USH2A: variants seen among roughly 807,000 people sequenced by gnomAD.
USH2A encodes the protein Usher syndrome 2A (autosomal recessive, mild).
A neutral mutation model predicts 538.9 loss-of-function variants in USH2A; 443 were observed. The observed-to-expected ratio is 0.82, with a 90% confidence interval of 0.76 to 0.89. USH2A has a LOEUF of 0.89. Ranked by LOEUF, USH2A falls within the 40% of genes least tolerant of loss-of-function variation. The pLI is 0.00. For synonymous variants in USH2A, 2,413 were observed against 2,273.5 expected, an observed-to-expected ratio of 1.06 and a Z score of -1.75; for missense variants, 6,633 against 6,324.8, an observed-to-expected ratio of 1.05 and a Z score of -1.65.
rs769020200 is a variant in USH2A, at chr1:216,072,919, C to T, written c.5827G>A (p.Asp1943Asn). The T allele has an allele frequency of 3.7e-6, 6 of 1,613,800 alleles. No individual in the cohort carries two copies. Among genetic ancestry groups the T allele is most frequent in the South Asian group, 3.3e-5 (3 of 91,084 alleles). The change falls in exon 29 of 72, where the codon GAT (aspartate) becomes AAT (asparagine). Residue 1943 changes from aspartate (D) to asparagine (N), a missense_variant. Physicochemically the swap from Asp to Asn is conservative, Grantham distance 23 (BLOSUM62 1). Coordinates refer to ENST00000307340, the MANE Select transcript of USH2A (RefSeq NM_206933.4). ...CCTGTTGTACGTCCTCGACTCCAAT[C>T]ACTATATACTGAACCTCCTTCATGC... ...ASHEGGSVYS[D>N]WSRGRTTGAA...
At chr1:216,026,424 C>T (rs1286403519) in intron 32 of USH2A, among the ~76,000 whole-genome samples, 1 of 152,058 alleles carries the variant, frequency 6.6e-6, no homozygotes, top group East Asian at 1.9e-4. Flanking sequence ...AGTCATGTGG[C>T]CAAACAATAC....
At chr1:216,173,964 A>C (rs1179305459) in intron 21 of USH2A, 1 of 984,788 alleles carries the variant, frequency 1.0e-6, no homozygotes, top group Non-Finnish European at 1.2e-6. Flanking sequence ...CATTTTAAGA[A>C]TATAAAGCAG....
chr1:216,026,544 T>A (rs1668968850), intron 32 of USH2A, among the ~76,000 whole-genome samples: 1 of 152,148 alleles, frequency 6.6e-6, no homozygotes, highest in African/African-American at 2.4e-5. Context: ...TCTCTGAACA[T>A]CCTTACCAGT....
chr1:215,990,250 C>T (rs1667971781), intron 35 of USH2A, among the ~76,000 whole-genome samples: 2 of 152,032 alleles, frequency 1.3e-5, no homozygotes, highest in African/African-American at 4.8e-5. Flanking sequence ...AAAGAGAAAC[C>T]CAGCCTCAGA....
At position 216,169,472 on chromosome 1, in the gene USH2A, C is replaced by T. The variant is rs773318346; in HGVS notation, c.4627+5780G>A. Among the ~76,000 whole-genome samples the T allele has an allele frequency of 8.2e-4, 125 of 152,116 alleles. 7 individuals carry two copies. Among genetic ancestry groups the T allele is most frequent in the Non-Finnish European group, 2.8e-4 (19 of 68,028 alleles). Reference sequence around the variant, plus strand: ...GGGAAATAATGGTCCTCTCCCATCTCGCAGTGCCATCAATGCCACCTGAAG... The same window carrying T: ...GGGAAATAATGGTCCTCTCCCATCTTGCAGTGCCATCAATGCCACCTGAAG... On this transcript the variant is annotated intron_variant, in intron 21 of 71. Coordinates refer to ENST00000307340, the MANE Select transcript of USH2A (RefSeq NM_206933.4).
chr1:216,380,664 A>G (rs2038909148), intron 3 of USH2A, among the ~76,000 whole-genome samples: 1 of 152,174 alleles, frequency 6.6e-6, no homozygotes, highest in Admixed American at 6.5e-5. Flanking sequence ...GTTTTTCTAA[A>G]ACTAATTAGA....
chr1:216,199,587 G>A lies in USH2A; in HGVS notation c.3811+40C>T, dbSNP rs757408910. The A allele has an allele frequency of 3.7e-6, 6 of 1,613,096 alleles. No individual in the cohort carries two copies. The South Asian group carries it at 5.5e-5, about 15-fold the overall frequency. The stretch of plus-strand genomic sequence containing the variant: ...ACAATTACAATAGATTCTCATTCAT[G>A]TCTTGACCAAAAAGGGGAATCTCAG... On this transcript the variant is annotated intron_variant, in intron 17 of 71. Coordinates refer to ENST00000307340, the MANE Select transcript of USH2A (RefSeq NM_206933.4).
At position 216,073,144 on chromosome 1, in the gene USH2A, T is replaced by C. The variant is rs774358063; in HGVS notation, c.5729A>G (p.Gln1910Arg). 1.3e-5 allele frequency: 21 copies of C among 1,613,926 alleles called. No homozygotes were observed. The South Asian group carries it at 2.2e-4, about 17-fold the overall frequency. Residue 1910 changes from glutamine (Q) to arginine (R), a missense_variant, in exon 28 of 72, where the codon CAG (glutamine) becomes CGG (arginine). Coordinates refer to ENST00000307340, the MANE Select transcript of USH2A (RefSeq NM_206933.4). ...CRGNDSILVYQGKEQSVYEGG... is the reference protein window; with the variant it reads ...CRGNDSILVYRGKEQSVYEGG... ...CTCGTAAACACTCTGCTCTTTTCCC[T>C]GGTAAACCAGGATGGAGTCATTTCC...
chr1:216,098,555 G>A (rs1031329687), intron 21 of USH2A, among the ~76,000 whole-genome samples: 14 of 152,152 alleles, frequency 9.2e-5, no homozygotes, highest in Non-Finnish European at 1.5e-5. Flanking sequence ...CAGAAGCCAT[G>A]TCTGAAGAGA....
At chr1:216,187,920 T>C (rs2034640618) in intron 20 of USH2A, among the ~76,000 whole-genome samples, 1 of 151,998 alleles carries the variant, frequency 6.6e-6, no homozygotes, top group Non-Finnish European at 1.5e-5. Flanking sequence ...ATTGAAACCC[T>C]GGCATTTTGG....
chr1:216,404,387 A>C lies in USH2A; in HGVS notation c.651+14127T>G, dbSNP rs956621602. ...AGGATAAAGTAGAAGGAGTCGCTCTACTAGATATTATAGCTCACAGTACTC... is the reference window on the plus strand; with the variant it reads ...AGGATAAAGTAGAAGGAGTCGCTCTCCTAGATATTATAGCTCACAGTACTC... On this transcript the variant is annotated intron_variant, in intron 3 of 71. Transcript: ENST00000307340. Among the ~76,000 whole-genome samples the C allele has an allele frequency of 3.9e-5, 6 of 152,258 alleles. No individual in the cohort carries two copies. The East Asian group carries it at 1.2e-3, about 29-fold the overall frequency.
intron 46 of USH2A, among the ~76,000 whole-genome samples, chr1:215,842,047 G>T (rs1663691338): frequency 6.6e-6 from 1 of 152,100 alleles, no homozygotes; most frequent in Non-Finnish European, 1.5e-5. Flanking sequence ...TACTTGGCTG[G>T]GTGCAGTGGC....
At chr1:215,802,025 CTTT>C (rs34990803) in intron 49 of USH2A, among the ~76,000 whole-genome samples, 2 of 147,548 alleles carry the variant, frequency 1.4e-5, no homozygotes, top group Admixed American at 1.4e-4. Flanking sequence ...AGGAAAGGAC[CTTT>C]TTTTTTTTTT....
rs976883140 is a variant in USH2A at position 216,392,113 on chromosome 1, G to A, written c.651+26401C>T. Among the ~76,000 whole-genome samples the A allele has an allele frequency of 5.9e-5, 9 of 152,190 alleles. No homozygotes were observed. In the East Asian group the frequency reaches 7.7e-4, roughly 13 times the overall value. On this transcript the variant is annotated intron_variant, in intron 3 of 71. Coordinates refer to ENST00000307340, the MANE Select transcript of USH2A (RefSeq NM_206933.4). The stretch of plus-strand genomic sequence containing the variant: ...CTATGTAAGTACTGTCCTGTCCCTC[G>A]CAGAGTTTATAGTCCAAAGACAAAT...
chr1:216,267,374 T>C (rs986835278), intron 11 of USH2A, among the ~76,000 whole-genome samples: 2 of 152,068 alleles, frequency 1.3e-5, no homozygotes, highest in Non-Finnish European at 2.9e-5. Flanking sequence ...AATAGCAGAA[T>C]AGGATTTGGA....
In USH2A at chr1:216,070,141, G is replaced by A. The variant is rs1173712232; in HGVS notation, c.6009C>T (p.Pro2003=). 6.2e-7 allele frequency: 1 copy of A among 1,613,970 alleles called. No homozygotes were observed. The highest frequency in any genetic ancestry group is 8.5e-7 in the Non-Finnish European group (1 of 1,179,956). The change falls in exon 30 of 72, where the codon CCC becomes CCT. Residue 2003 remains proline, a synonymous_variant. Coordinates refer to ENST00000307340, the MANE Select transcript of USH2A (RefSeq NM_206933.4). ...TATTGACAAATTCAGCACTGGCAGAGGGCATGCGGGGTGGACGGGTGCTGT... is the reference window on the plus strand; with the variant it reads ...TATTGACAAATTCAGCACTGGCAGAAGGCATGCGGGGTGGACGGGTGCTGT... ...SEDSTRPPRM[P]SASAEFVNTS...
intron 52 of USH2A, among the ~76,000 whole-genome samples, chr1:215,783,760 G>A (rs1661714175): frequency 6.6e-6 from 1 of 152,130 alleles, no homozygotes; most frequent in South Asian, 2.1e-4. Context: ...AAGTATGTAT[G>A]TATTTTTGTG....
chr1:215,676,696 G>A (rs1461130644), intron 62 of USH2A, among the ~76,000 whole-genome samples: 2 of 152,168 alleles, frequency 1.3e-5, no homozygotes, highest in Non-Finnish European at 1.5e-5. Flanking sequence ...AGGACCCAGG[G>A]CAAGACCACC....
At chr1:216,342,938 G>A (rs997621051) in intron 4 of USH2A, among the ~76,000 whole-genome samples, 16 of 151,890 alleles carry the variant, frequency 1.1e-4, no homozygotes, top group African/African-American at 2.4e-4. Context: ...ACCATGGCAC[G>A]CATATACCTA....
Sources: allele counts gnomAD v4.1 joint callset (sites outside exome capture counted in the v4.1 genomes callset), GRCh38; gene constraint gnomAD v4.1.1; transcripts MANE v1.5; gene names NCBI Gene and HGNC (gene_info 2026-07-23, HGNC 2026-07-21).